PSMD14: variants seen among roughly 807,000 people sequenced by gnomAD.
PSMD14 encodes the protein ubiquitin C-terminal hydrolase PSMD14.
In PSMD14, 7 loss-of-function variants were observed where a neutral mutation model predicts 41.2. The observed-to-expected ratio is 0.17, with a 90% CI of 0.10 to 0.32. PSMD14 has a LOEUF of 0.32. PSMD14 is among the 10% of genes least tolerant of loss of function. The pLI is 1.00. For missense variants in PSMD14, 139 were observed against 375.6 expected (o/e 0.37, Z 5.21); for synonymous variants, 114 against 122.3 (o/e 0.93, Z 0.45).
At chr2:161,396,760 G>A (rs1683803010) in intron 10 of PSMD14, among the ~76,000 whole-genome samples, 1 of 152,120 alleles carries the variant, frequency 6.6e-6, no homozygotes, top group African/African-American at 2.4e-5. Flanking sequence ...GTTTTAAAAA[G>A]TTTCTGAAGT....
At chr2:161,397,224 A>G (rs1448546192) in intron 10 of PSMD14, among the ~76,000 whole-genome samples, 1 of 152,318 alleles carries the variant, frequency 6.6e-6, no homozygotes, top group Non-Finnish European at 1.5e-5. Context: ...GTAAGAGAAG[A>G]TTTGAAATGG....
intron 3 of PSMD14, among the ~76,000 whole-genome samples, chr2:161,362,099 C>T (rs1683297275): frequency 6.6e-6 from 1 of 152,060 alleles, no homozygotes; most frequent in South Asian, 2.1e-4. Flanking sequence ...CAGGGTCTCA[C>T]TCTGTTGCCC....
intron 10 of PSMD14, among the ~76,000 whole-genome samples, chr2:161,406,235 A>T (rs1683946003): frequency 6.6e-6 from 1 of 152,294 alleles, no homozygotes; most frequent in South Asian, 2.1e-4. Context: ...TTATGATCAC[A>T]TAACAGACCA....
At chr2:161,341,026 C>A in intron 3 of PSMD14, 3 of 1,608,060 alleles carry the variant, frequency 1.9e-6, no homozygotes, top group Non-Finnish European at 2.5e-6. Flanking sequence ...TCCGCTGGCG[C>A]CGCCGCGGGA....
chr2:161,310,829 A>G (rs1689079027), intron 1 of PSMD14, among the ~76,000 whole-genome samples: 1 of 152,160 alleles, frequency 6.6e-6, no homozygotes, highest in Non-Finnish European at 1.5e-5. Flanking sequence ...TTTTCACTCT[A>G]CACTGCTGTC....
chr2:161,366,603 C>T (rs145698112), intron 3 of PSMD14, among the ~76,000 whole-genome samples: 15 of 152,176 alleles, frequency 9.9e-5, no homozygotes, highest in African/African-American at 3.4e-4. Flanking sequence ...AAAACACGAC[C>T]TGGCAATTAT....
chr2:161,326,384 A>G (rs747128037), intron 3 of PSMD14, among the ~76,000 whole-genome samples: 6 of 152,156 alleles, frequency 3.9e-5, no homozygotes, highest in African/African-American at 7.2e-5. Context: ...TATCCAAATT[A>G]AACAACAACA....
chr2:161,406,133 A>G (rs1432064958), intron 10 of PSMD14, among the ~76,000 whole-genome samples: 2 of 152,202 alleles, frequency 1.3e-5, no homozygotes, highest in Non-Finnish European at 1.5e-5. Flanking sequence ...CAGATTTTCC[A>G]TATAAGAAAC....
chr2:161,370,055 C>CT (rs34989714), intron 5 of PSMD14, 52 bp from the exon 6 acceptor site: 1 of 1,388,860 alleles, frequency 7.2e-7, no homozygotes, highest in South Asian at 1.4e-5. Context: ...CATAGGGAAG[C>CT]TTTTTTTCCA....
At chr2:161,386,249 G>A (rs1303954277) in intron 8 of PSMD14, among the ~76,000 whole-genome samples, 3 of 151,602 alleles carry the variant, frequency 2.0e-5, no homozygotes, top group Non-Finnish European at 4.4e-5. Context: ...GTTTTTAAAC[G>A]CACCACAGTC....
At chr2:161,355,111 T>C (rs1035096676) in intron 3 of PSMD14, among the ~76,000 whole-genome samples, 2 of 152,202 alleles carry the variant, frequency 1.3e-5, no homozygotes, top group African/African-American at 4.8e-5. Flanking sequence ...TTGTTTGACA[T>C]CCTTGAACCA....
At chr2:161,362,077 A>C (rs1398237814) in intron 3 of PSMD14, among the ~76,000 whole-genome samples, 1 of 151,886 alleles carries the variant, frequency 6.6e-6, no homozygotes, top group African/African-American at 2.4e-5. Flanking sequence ...AATTAAAAAA[A>C]TTTTTTTGAG....
chr2:161,357,076 C>CTTTTTTTTTTTTTGTTTTTTTTTTTTTTT (rs71281822), intron 3 of PSMD14, among the ~76,000 whole-genome samples: 1 of 124,192 alleles, frequency 8.1e-6, no homozygotes, highest in East Asian at 2.7e-4. Flanking sequence ...TGGCAAATGC[C>CTTTTTTTTTTTTTGTTTTTTTTTTTTTTT]TTTTTTTTTT....
At chr2:161,346,142 C>G (rs1048809863) in intron 3 of PSMD14, among the ~76,000 whole-genome samples, 1 of 152,168 alleles carries the variant, frequency 6.6e-6, no homozygotes, top group South Asian at 2.1e-4. Flanking sequence ...CTTGGCCTCC[C>G]GAAGTGCTGG....
At chr2:161,362,569 C>T (rs937811199) in intron 3 of PSMD14, among the ~76,000 whole-genome samples, 1 of 152,122 alleles carries the variant, frequency 6.6e-6, no homozygotes, top group Non-Finnish European at 1.5e-5. Flanking sequence ...TTTCTGAGCC[C>T]TTACACATTT....
At chr2:161,367,740 C>T (rs1230106670) in intron 4 of PSMD14, 44 bp from the exon 5 acceptor site, 12 of 1,595,908 alleles carry the variant, frequency 7.5e-6, no homozygotes, top group African/African-American at 1.3e-5. Flanking sequence ...AACCAGAGAC[C>T]TCAACGAAAT....
intron 10 of PSMD14, among the ~76,000 whole-genome samples, chr2:161,402,917 C>G (rs973847310): frequency 9.2e-5 from 14 of 152,024 alleles, no homozygotes; most frequent in African/African-American, 2.9e-4. Context: ...ACAAGTGTTG[C>G]CAAGGGTATG....
At chr2:161,371,488 T>G (rs1422321101) in intron 7 of PSMD14, among the ~76,000 whole-genome samples, 166 bp downstream of exon 7, 3 of 152,158 alleles carry the variant, frequency 2.0e-5, no homozygotes, top group African/African-American at 7.2e-5. Flanking sequence ...TGTGTCTTGG[T>G]ATTATTAGCA....
intron 3 of PSMD14, among the ~76,000 whole-genome samples, chr2:161,335,358 G>A (rs1442883909): frequency 6.6e-6 from 1 of 152,208 alleles, no homozygotes; most frequent in African/African-American, 2.4e-5. Flanking sequence ...GCAGCCATTA[G>A]CCACATAGTG....
Sources: gnomAD v4.1 joint callset for allele counts (sites outside exome capture counted in the v4.1 genomes callset) on GRCh38, gnomAD v4.1.1 for gene constraint, MANE v1.5 for transcripts, NCBI Gene and HGNC (gene_info 2026-07-23, HGNC 2026-07-21) for gene names.